The following CNTLN variants were observed in gnomAD, a reference collection of about 807,000 sequenced individuals.
CNTLN encodes the protein centlein, centrosomal protein.
CNTLN carries 212 observed loss-of-function variants against 180.0 expected under a neutral mutation model. That is an observed-to-expected ratio of 1.18 (90% CI 1.05 to 1.32). The LOEUF (loss-of-function observed/expected upper bound fraction) is 1.32, where lower values mean the gene tolerates loss of function less well. Among genes scored for constraint, CNTLN ranks in the 40% most tolerant of loss-of-function variants. The pLI is 0.00. For missense variants in CNTLN, 2,095 were observed against 1,610.9 expected (o/e 1.30, Z -5.14); for synonymous variants, 722 against 563.1 (o/e 1.28, Z -3.99).
Position 17,179,261 on chromosome 9 carries a change from A to AAAAAG in CNTLN, c.449+35887_449+35888insAAGAA, listed in dbSNP as rs762439606. Among the ~76,000 whole-genome samples, 275 of 138,618 alleles carry AAAAAG rather than the reference A, an allele frequency of 2.0e-3. 4 individuals carry two copies. Among genetic ancestry groups the AAAAAG allele is most frequent in the African/African-American group, 5.2e-3 (170 of 32,910 alleles). The allele number at this position is 138,618 out of a possible 152,430, so 90.9% of individuals were successfully genotyped here. On this transcript the variant is annotated intron_variant, in intron 2 of 25. Transcript: ENST00000380647. Reference sequence around the variant, plus strand: ...TCCGTCTCAAAAAAAAAAAAAAAAAAAAGAAGAAGTGTAGATTATTGATTT... The same window carrying AAAAAG: ...TCCGTCTCAAAAAAAAAAAAAAAAAAAAAAGAAGAAGAAGTGTAGATTATTGATTT...
chr9:17,477,088 A>G (rs553472047), intron 23 of CNTLN, among the ~76,000 whole-genome samples: 2 of 152,308 alleles, frequency 1.3e-5, no homozygotes, highest in Admixed American at 6.5e-5. Flanking sequence ...TACTGTGCCT[A>G]TGCTCCATAA....
chr9:17,327,510 G>A (rs768448467), intron 8 of CNTLN, among the ~76,000 whole-genome samples: 4 of 144,638 alleles, frequency 2.8e-5, no homozygotes, highest in Non-Finnish European at 3.0e-5. Flanking sequence ...TTTTTTCAAA[G>A]TCTGAGAGAT....
At chr9:17,201,682 T>A (rs886717522) in intron 2 of CNTLN, among the ~76,000 whole-genome samples, 1 of 152,140 alleles carries the variant, frequency 6.6e-6, no homozygotes, top group African/African-American at 2.4e-5. Context: ...AGTGGTGATA[T>A]CCCCTTTATA....
At chr9:17,246,135 A>G (rs1047546192) in intron 5 of CNTLN, among the ~76,000 whole-genome samples, 57 of 147,058 alleles carry the variant, frequency 3.9e-4, no homozygotes, top group Non-Finnish European at 3.3e-4. Context: ...TTAGGTATCT[A>G]TTGCATTCTT....
chr9:17,142,583 C>G (rs1586896817), intron 1 of CNTLN, among the ~76,000 whole-genome samples: 2 of 152,042 alleles, frequency 1.3e-5, no homozygotes, highest in East Asian at 1.9e-4. Flanking sequence ...ATGTGCGAGT[C>G]TCAGTGTAGA....
chr9:17,140,564 C>T (rs955765317), intron 1 of CNTLN, among the ~76,000 whole-genome samples: 1 of 152,100 alleles, frequency 6.6e-6, no homozygotes, highest in Non-Finnish European at 1.5e-5. Context: ...CCTCAGTCTC[C>T]TGAGTAGCTG....
intron 16 of CNTLN, among the ~76,000 whole-genome samples, chr9:17,413,357 A>G (rs1827995346): frequency 6.6e-6 from 1 of 152,138 alleles, no homozygotes; most frequent in Admixed American, 6.5e-5. Flanking sequence ...AGCTGAGTGA[A>G]GAGTTTTTAG....
chr9:17,177,676 G>A (rs1414539572), intron 2 of CNTLN, among the ~76,000 whole-genome samples: 2 of 151,898 alleles, frequency 1.3e-5, no homozygotes, highest in South Asian at 2.1e-4. Flanking sequence ...CAGCACATCC[G>A]GAGTTGTTCG....
intron 10 of CNTLN, among the ~76,000 whole-genome samples, chr9:17,334,258 C>T (rs1564003482): frequency 6.6e-6 from 1 of 151,994 alleles, no homozygotes; most frequent in African/African-American, 2.4e-5. Flanking sequence ...TGGAGTTTTA[C>T]CATGTTGGCC....
At chr9:17,476,413 A>G (rs1329886070) in intron 23 of CNTLN, among the ~76,000 whole-genome samples, 3 of 152,226 alleles carry the variant, frequency 2.0e-5, no homozygotes, top group Non-Finnish European at 4.4e-5. Flanking sequence ...ATCAAAAGCT[A>G]GAAATCAGAA....
At chr9:17,504,773 G>A (rs1029398233), downstream of CNTLN, among the ~76,000 whole-genome samples, 1 of 152,134 alleles carries the variant, frequency 6.6e-6, no homozygotes. Flanking sequence ...ATGGCCCTTG[G>A]AGACCAGAAA....
At chr9:17,525,053 AGACATT>A in the CNTLN span, among the ~76,000 whole-genome samples, 13 of 152,216 alleles carry the variant, frequency 8.5e-5, no homozygotes, top group East Asian at 2.5e-3. Flanking sequence ...ACAATAACAT[AGACATT>A]GTTGGACATT....
chr9:17,323,069 GTGT>G (rs1269730742), intron 8 of CNTLN, among the ~76,000 whole-genome samples: 3 of 152,116 alleles, frequency 2.0e-5, no homozygotes, highest in African/African-American at 7.2e-5. Context: ...AGAGTGCTCT[GTGT>G]TGTTCATTAA....
At position 17,415,934 on chromosome 9, in the gene CNTLN, T is replaced by G. The variant is rs751591723; in HGVS notation, c.2891-32T>G. On this transcript the variant is annotated intron_variant, in intron 17 of 25. Coordinates refer to ENST00000380647, the MANE Select transcript of CNTLN (RefSeq NM_017738.4). ...TGTCTTTTACAATTTAAATCTAATTTTTAAAATATGAACAATATTGTTTTT... is the reference window on the plus strand; with the variant it reads ...TGTCTTTTACAATTTAAATCTAATTGTTAAAATATGAACAATATTGTTTTT... 3.8e-6 allele frequency: 6 copies of G among 1,588,832 alleles called. No individual in the cohort carries two copies. In the South Asian group the frequency reaches 6.9e-5, roughly 18 times the overall value.
intron 6 of CNTLN, among the ~76,000 whole-genome samples, chr9:17,283,083 T>C (rs1828765422): frequency 6.6e-6 from 1 of 152,172 alleles, no homozygotes; most frequent in African/African-American, 2.4e-5. Flanking sequence ...TCTTTTTTGG[T>C]TCCATATTAA....
At chr9:17,327,202 T>C (rs1485980992) in intron 8 of CNTLN, among the ~76,000 whole-genome samples, 1 of 148,684 alleles carries the variant, frequency 6.7e-6, no homozygotes, top group Non-Finnish European at 1.5e-5. Context: ...GACAAAAATA[T>C]AGTAGTTAAC....
intron 6 of CNTLN, among the ~76,000 whole-genome samples, chr9:17,287,320 C>T (rs1175011450): frequency 6.1e-5 from 9 of 147,016 alleles, no homozygotes; most frequent in Non-Finnish European, 1.1e-4. Context: ...TATTGATTTG[C>T]GTATATTGAA....
chr9:17,489,815 T>G (rs1342362361), intron 25 of CNTLN, among the ~76,000 whole-genome samples: 1 of 151,992 alleles, frequency 6.6e-6, no homozygotes, highest in Admixed American at 6.6e-5. Flanking sequence ...TTTTTTATAT[T>G]TGACATTTAT....
At chr9:17,416,341 T>A in intron 18 of CNTLN, 152 bp downstream of exon 18, 1 of 574,504 alleles carries the variant, frequency 1.7e-6, no homozygotes, top group Non-Finnish European at 2.9e-6. Flanking sequence ...TTAGTTTAAT[T>A]ACTGGACTTC....
Sources: gnomAD v4.1 joint callset for allele counts (sites outside exome capture counted in the v4.1 genomes callset) on GRCh38, gnomAD v4.1.1 for gene constraint, MANE v1.5 for transcripts, NCBI Gene and HGNC (gene_info 2026-07-23, HGNC 2026-07-21) for gene names.